Variants in NRCAM observed in about 807,000 individuals in gnomAD.
The protein encoded by NRCAM is neuronal cell adhesion molecule.
Under a neutral mutation model 156.5 loss-of-function variants are expected in NRCAM, and 83 were observed. The observed-to-expected ratio is 0.53, with a 90% CI of 0.44 to 0.64. The LOEUF (loss-of-function observed/expected upper bound fraction) is 0.64, where lower values mean the gene tolerates loss of function less well. NRCAM is among the 30% of genes least tolerant of loss of function. The pLI is 0.00. For missense variants in NRCAM, 1,417 were observed against 1,597.3 expected (o/e 0.89, Z 1.92); for synonymous variants, 538 against 563.9 (o/e 0.95, Z 0.65).
intron 11 of NRCAM, among the ~76,000 whole-genome samples, chr7:108,223,030 C>T (rs2092723996): frequency 6.6e-6 from 1 of 152,112 alleles, no homozygotes; most frequent in African/African-American, 2.4e-5. Flanking sequence ...GCCTTGTGAC[C>T]TGCCAATAGG....
chr7:108,426,389 C>A (rs1817352043), intron 1 of NRCAM, among the ~76,000 whole-genome samples: 1 of 152,204 alleles, frequency 6.6e-6, no homozygotes, highest in East Asian at 1.9e-4. Context: ...TTTTAATTGT[C>A]CAAAATAACT....
At chr7:108,173,239 G>T (rs1006912418) in intron 28 of NRCAM, among the ~76,000 whole-genome samples, 1 of 152,096 alleles carries the variant, frequency 6.6e-6, no homozygotes, top group East Asian at 1.9e-4. Flanking sequence ...GCCCGCCTCA[G>T]CCTCCCAAAC....
At chr7:108,250,480 A>G (rs1208040168) in intron 3 of NRCAM, among the ~76,000 whole-genome samples, 5 of 151,924 alleles carry the variant, frequency 3.3e-5, no homozygotes, top group Admixed American at 2.6e-4. Flanking sequence ...ATTTGTAACA[A>G]CAAAATAAGC....
intron 2 of NRCAM, among the ~76,000 whole-genome samples, chr7:108,371,711 C>T (rs2154342472): frequency 6.6e-6 from 1 of 152,146 alleles, no homozygotes; most frequent in African/African-American, 2.4e-5. Context: ...AGTCCAAGTT[C>T]CATTAATATA....
chr7:108,166,821 C>CT (rs2054664222), intron 30 of NRCAM, 100 bp downstream of exon 30: 6 of 1,067,514 alleles, frequency 5.6e-6, no homozygotes, highest in Non-Finnish European at 7.9e-6. Context: ...CATTCATGCC[C>CT]TACCCATAAC....
chr7:108,204,487 T>C (rs1563429286), intron 13 of NRCAM, among the ~76,000 whole-genome samples: 1 of 152,210 alleles, frequency 6.6e-6, no homozygotes, highest in Non-Finnish European at 1.5e-5. Context: ...GTCCAAATGG[T>C]AATCCACTTT....
At chr7:108,197,928 C>A (rs760454573) in intron 14 of NRCAM, 28 bp downstream of exon 14, 2 of 1,516,616 alleles carry the variant, frequency 1.3e-6, no homozygotes, top group African/African-American at 1.4e-5. Context: ...ATTTAATTTG[C>A]CATGTCTTTA....
At chr7:108,230,171 A>G (rs1331391127) in intron 8 of NRCAM, among the ~76,000 whole-genome samples, 1 of 152,072 alleles carries the variant, frequency 6.6e-6, no homozygotes, top group Non-Finnish European at 1.5e-5. Context: ...CCATTTTATC[A>G]TTTTGGAGTT....
At chr7:108,272,016 G>C (rs1158863042) in intron 3 of NRCAM, among the ~76,000 whole-genome samples, 1 of 152,180 alleles carries the variant, frequency 6.6e-6, no homozygotes, top group Admixed American at 6.5e-5. Flanking sequence ...AAGGGAAAAA[G>C]CTAAAAATGT....
intron 13 of NRCAM, among the ~76,000 whole-genome samples, chr7:108,199,278 C>T (rs2076711254): frequency 6.6e-6 from 1 of 152,152 alleles, no homozygotes; most frequent in African/African-American, 2.4e-5. Flanking sequence ...GGTTTATTAA[C>T]CCACTGTAAT....
chr7:108,331,749 C>T (rs567550990), intron 2 of NRCAM, among the ~76,000 whole-genome samples: 1 of 152,328 alleles, frequency 6.6e-6, no homozygotes, highest in African/African-American at 2.4e-5. Flanking sequence ...AAGAGTTCTA[C>T]TTGGAGCTAC....
rs184888684 is a variant in NRCAM at position 108,387,549 on chromosome 7, A to T, written c.-174+11887T>A. 5.0e-3 allele frequency among the ~76,000 whole-genome samples: 765 copies of T among 152,170 alleles called. 6 individuals are homozygous for T. Among genetic ancestry groups the T allele is most frequent in the African/African-American group, 0.017 (722 of 41,540 alleles). ...TAGGTATTTTTATCCTAGTTTTTTTAAAATTTATTTATTTATTTACTTTTT... is the reference window on the plus strand; with the variant it reads ...TAGGTATTTTTATCCTAGTTTTTTTTAAATTTATTTATTTATTTACTTTTT... On this transcript the variant is annotated intron_variant, in intron 2 of 32. Transcript: ENST00000379028.
chr7:108,250,409 G>A (rs2096261680), intron 3 of NRCAM, among the ~76,000 whole-genome samples: 1 of 114,690 alleles, frequency 8.7e-6, no homozygotes, highest in South Asian at 3.0e-4. Flanking sequence ...CTGGGCAACA[G>A]AGCCACATCT....
intron 2 of NRCAM, among the ~76,000 whole-genome samples, chr7:108,316,227 C>T (rs1593038744): frequency 6.6e-6 from 1 of 152,158 alleles, no homozygotes; most frequent in South Asian, 2.1e-4. Context: ...TTCTGTTCCC[C>T]TCTTCCTCTT....
chr7:108,184,627 C>G lies in NRCAM; in HGVS notation c.2036-13G>C, dbSNP rs777028957. 2.5e-6 allele frequency: 4 copies of G among 1,608,774 alleles called. No homozygotes were observed. The highest frequency in any genetic ancestry group is 2.5e-6 in the Non-Finnish European group (3 of 1,177,810). ...TCGATGATGAATTCTGGTCACGACA[C>G]ACACACACCAAACCCAAGACCGTGA... On this transcript the variant is annotated splice_polypyrimidine_tract_variant and intron_variant, in intron 20 of 32. Transcript: ENST00000379028.
chr7:108,255,744 C>A (rs1256220634), intron 3 of NRCAM, among the ~76,000 whole-genome samples: 1 of 146,964 alleles, frequency 6.8e-6, no homozygotes. Context: ...GGCCACGACC[C>A]CGTCTGGGAT....
chr7:108,334,049 C>T (rs1209402946), intron 2 of NRCAM, among the ~76,000 whole-genome samples: 2 of 152,114 alleles, frequency 1.3e-5, no homozygotes, highest in East Asian at 1.9e-4. Flanking sequence ...TAACAATATT[C>T]AGAATTGTAA....
intron 2 of NRCAM, among the ~76,000 whole-genome samples, chr7:108,344,640 T>C (rs544786172): frequency 6.6e-6 from 1 of 152,312 alleles, no homozygotes; most frequent in East Asian, 1.9e-4. Context: ...ATGAACTGTT[T>C]ATACTCCATA....
Position 108,337,871 on chromosome 7 carries a change from G to A in NRCAM, c.-173-25140C>T, listed in dbSNP as rs114357748. 6.1e-3 allele frequency among the ~76,000 whole-genome samples: 935 copies of A among 152,284 alleles called. 11 individuals are homozygous for A. The highest frequency in any genetic ancestry group is 0.021 in the African/African-American group (889 of 41,548). The stretch of plus-strand genomic sequence containing the variant: ...GCGACCACGAAGGGACCTCCAAAGC[G>A]GTAATATTGGACCACTTTCACTTGC... On this transcript the variant is annotated intron_variant, in intron 2 of 32. Coordinates refer to ENST00000379028, the MANE Select transcript of NRCAM (RefSeq NM_001037132.4).
Sources: gnomAD v4.1 joint callset for allele counts (sites outside exome capture counted in the v4.1 genomes callset) on GRCh38, gnomAD v4.1.1 for gene constraint, MANE v1.5 for transcripts, NCBI Gene and HGNC (gene_info 2026-07-23, HGNC 2026-07-21) for gene names.